The following KCNIP4 variants were observed in gnomAD, a reference collection of about 807,000 sequenced individuals.
KCNIP4 encodes the protein potassium voltage-gated channel interacting protein 4, also known as Kv channel-interacting protein 4.
KCNIP4 carries 12 observed loss-of-function variants against 34.0 expected under a neutral mutation model. That is an observed-to-expected ratio of 0.35 (90% CI 0.23 to 0.57). The LOEUF (loss-of-function observed/expected upper bound fraction) is 0.57. Among genes scored for constraint, KCNIP4 ranks in the 20% least tolerant of loss-of-function variants. The pLI, the probability that KCNIP4 is intolerant of heterozygous loss-of-function variation, is 0.83. For synonymous variants in KCNIP4, 124 were observed against 102.2 expected (o/e 1.21, Z -1.29); for missense variants, 238 against 311.7 (o/e 0.76, Z 1.78).
At chr4:21,726,703 T>C (rs1032162382) in intron 1 of KCNIP4, among the ~76,000 whole-genome samples, 1 of 152,184 alleles carries the variant, frequency 6.6e-6, no homozygotes, top group Admixed American at 6.6e-5. Context: ...GCTTCTTTAA[T>C]TGTCTGCTTC....
intron 2 of KCNIP4, among the ~76,000 whole-genome samples, chr4:20,868,736 G>A: frequency 1.3e-5 from 2 of 152,038 alleles, no homozygotes. Context: ...ATTAACATAG[G>A]AATAGAAAAA....
At chr4:21,043,985 C>T (rs1742193846) in intron 1 of KCNIP4, among the ~76,000 whole-genome samples, 1 of 152,090 alleles carries the variant, frequency 6.6e-6, no homozygotes, top group South Asian at 2.1e-4. Context: ...ATTAGGAATA[C>T]AATGGGATTA....
intron 1 of KCNIP4, among the ~76,000 whole-genome samples, chr4:21,433,066 G>C (rs563351558): frequency 6.6e-6 from 1 of 152,092 alleles, no homozygotes; most frequent in Non-Finnish European, 1.5e-5. Context: ...TTAACTTATT[G>C]ACCCCAATTC....
intron 1 of KCNIP4, among the ~76,000 whole-genome samples, chr4:20,984,921 C>T (rs1279443151): frequency 6.6e-6 from 1 of 151,704 alleles, no homozygotes; most frequent in African/African-American, 2.4e-5. Flanking sequence ...ATTAAGAAGC[C>T]CAGGTGACTC....
intron 1 of KCNIP4, among the ~76,000 whole-genome samples, chr4:20,979,390 A>G (rs931525676): frequency 2.1e-5 from 3 of 145,640 alleles, no homozygotes; most frequent in Admixed American, 6.8e-5. Flanking sequence ...CTCTGCTTCC[A>G]CTTTCTTTCT....
At chr4:21,043,853 T>C (rs1456336593) in intron 1 of KCNIP4, among the ~76,000 whole-genome samples, 1 of 152,164 alleles carries the variant, frequency 6.6e-6, no homozygotes, top group African/African-American at 2.4e-5. Flanking sequence ...GGAAACTTGC[T>C]GAAAAGAATC....
rs1560355726 is a variant in KCNIP4 at position 21,388,091 on chromosome 4, A to AAAGATTTCAGGTGTGCT, written c.62-505383_62-505382insAGCACACCTGAAATCTT. Reference sequence around the variant, plus strand: ...CTTTGAGCCTGAGAATAGGCTCCTGAGAAAGATTTCAGGTGTGCTGAAAGA... The same window carrying AAAGATTTCAGGTGTGCT: ...CTTTGAGCCTGAGAATAGGCTCCTGAAAGATTTCAGGTGTGCTGAAAGATTTCAGGTGTGCTGAAAGA... On this transcript the variant is annotated intron_variant, in intron 1 of 8. Transcript: ENST00000382152. 7.6e-3 allele frequency among the ~76,000 whole-genome samples: 1,132 copies of AAAGATTTCAGGTGTGCT among 148,824 alleles called. 19 individuals are homozygous for AAAGATTTCAGGTGTGCT. Among genetic ancestry groups the AAAGATTTCAGGTGTGCT allele is most frequent in the African/African-American group, 0.027 (1,083 of 40,248 alleles).
At chr4:21,304,390 G>A (rs1430990700) in intron 1 of KCNIP4, among the ~76,000 whole-genome samples, 2 of 152,200 alleles carry the variant, frequency 1.3e-5, no homozygotes, top group Non-Finnish European at 2.9e-5. Context: ...CCGGCGCGGA[G>A]GAGATGGCTC....
intron 1 of KCNIP4, among the ~76,000 whole-genome samples, chr4:20,960,328 A>G (rs960944268): frequency 2.0e-5 from 3 of 152,226 alleles, no homozygotes; most frequent in Non-Finnish European, 4.4e-5. Flanking sequence ...AGAGGTGGAT[A>G]TGGTTGGCCA....
At chr4:21,445,816 T>C (rs1727929602) in intron 1 of KCNIP4, among the ~76,000 whole-genome samples, 1 of 152,068 alleles carries the variant, frequency 6.6e-6, no homozygotes, top group Non-Finnish European at 1.5e-5. Flanking sequence ...CAAAAGAAAC[T>C]ACCATCAGAG....
intron 3 of KCNIP4, among the ~76,000 whole-genome samples, chr4:20,812,490 C>A (rs1405848051): frequency 6.6e-6 from 1 of 152,144 alleles, no homozygotes; most frequent in Non-Finnish European, 1.5e-5. Flanking sequence ...AGACACTAGT[C>A]ACATTTCACC....
At chr4:21,650,764 C>T (rs1022502754) in intron 1 of KCNIP4, among the ~76,000 whole-genome samples, 1 of 152,146 alleles carries the variant, frequency 6.6e-6, no homozygotes, top group Non-Finnish European at 1.5e-5. Context: ...CTCTTGATTA[C>T]GATTTCACAA....
chr4:21,264,429 T>A lies in KCNIP4; in HGVS notation c.62-381720A>T, dbSNP rs1361747379. ...GCATGGAGATGATTAGCATGGTGGT[T>A]AGGAACGTGATGTAGAGGCTGAGAG... On this transcript the variant is annotated intron_variant, in intron 1 of 8. Coordinates refer to ENST00000382152, the MANE Select transcript of KCNIP4 (RefSeq NM_025221.6). Among the ~76,000 whole-genome samples, 6 of 152,140 alleles carry A rather than the reference T, an allele frequency of 3.9e-5. 1 individual carries two copies.
At chr4:20,913,287 T>C (rs1057054421) in intron 1 of KCNIP4, among the ~76,000 whole-genome samples, 1 of 152,194 alleles carries the variant, frequency 6.6e-6, no homozygotes, top group Non-Finnish European at 1.5e-5. Flanking sequence ...CGACTCAAAA[T>C]GCCACACATT....
intron 1 of KCNIP4, among the ~76,000 whole-genome samples, chr4:21,720,478 A>G (rs1344796847): frequency 1.3e-5 from 2 of 151,800 alleles, no homozygotes; most frequent in African/African-American, 2.4e-5. Context: ...GTTTTACAGT[A>G]AAAGAGAATG....
At chr4:20,829,620 GTATTA>G (rs1263908404) in intron 3 of KCNIP4, among the ~76,000 whole-genome samples, 1 of 152,072 alleles carries the variant, frequency 6.6e-6, no homozygotes, top group East Asian at 1.9e-4. Context: ...AGTTTAGCTA[GTATTA>G]TATTTCTGTG....
chr4:21,892,566 A>T (rs1727167576), intron 1 of KCNIP4, among the ~76,000 whole-genome samples: 1 of 151,504 alleles, frequency 6.6e-6, no homozygotes. Flanking sequence ...AAAAAAAAAA[A>T]AACTATTGAT....
At chr4:21,107,420 C>T (rs1183520072) in intron 1 of KCNIP4, among the ~76,000 whole-genome samples, 1 of 150,968 alleles carries the variant, frequency 6.6e-6, no homozygotes, top group Admixed American at 6.6e-5. Context: ...AGGATTGCAA[C>T]CCCTGCCTTT....
At chr4:20,949,887 T>C (rs944392640) in intron 1 of KCNIP4, among the ~76,000 whole-genome samples, 9 of 144,820 alleles carry the variant, frequency 6.2e-5, no homozygotes, top group African/African-American at 1.0e-4. Context: ...AGGGATAGCA[T>C]TGGGAGATAT....
Sources: allele counts gnomAD v4.1 joint callset (sites outside exome capture counted in the v4.1 genomes callset), GRCh38; gene constraint gnomAD v4.1.1; transcripts MANE v1.5; gene names NCBI Gene and HGNC (gene_info 2026-07-23, HGNC 2026-07-21).